The following KPNA5 variants were observed in gnomAD, a reference collection of about 807,000 sequenced individuals.
The protein encoded by KPNA5 is importin subunit alpha-6.
Under a neutral mutation model 71.3 loss-of-function variants are expected in KPNA5, and 46 were observed. That is an observed-to-expected ratio of 0.65 (90% CI 0.51 to 0.83). The LOEUF is 0.83. Ranked by LOEUF, KPNA5 falls within the 40% of genes least tolerant of loss-of-function variation. KPNA5 has a pLI of 0.00. For synonymous variants in KPNA5, 207 were observed against 201.4 expected, an observed-to-expected ratio of 1.03 and a Z score of -0.24; for missense variants, 547 against 628.3, an observed-to-expected ratio of 0.87 and a Z score of 1.38.
chr6:116,688,189 A>G (rs1166007735), intron 1 of KPNA5, among the ~76,000 whole-genome samples: 2 of 152,172 alleles, frequency 1.3e-5, no homozygotes, highest in African/African-American at 4.8e-5. Context: ...TAGTTGCCAT[A>G]TCTTCACTGC....
At chr6:116,699,255 A>G (rs1298562010) in intron 5 of KPNA5, among the ~76,000 whole-genome samples, 1 of 152,080 alleles carries the variant, frequency 6.6e-6, no homozygotes, top group Non-Finnish European at 1.5e-5. Flanking sequence ...GTTTGTCATA[A>G]AGAACATTGG....
chr6:116,706,275 A>G (rs557446234), intron 7 of KPNA5, among the ~76,000 whole-genome samples: 2 of 152,354 alleles, frequency 1.3e-5, no homozygotes, highest in African/African-American at 2.4e-5. Context: ...GAAGTAGTAA[A>G]CATTTCTTAG....
At chr6:116,688,031 T>A (rs1449819130) in intron 1 of KPNA5, among the ~76,000 whole-genome samples, 2 of 152,196 alleles carry the variant, frequency 1.3e-5, no homozygotes, top group African/African-American at 2.4e-5. Context: ...AGTCTCTTAC[T>A]GTTCTTGGTT....
intron 1 of KPNA5, among the ~76,000 whole-genome samples, chr6:116,687,838 G>C (rs947542732): frequency 6.6e-6 from 1 of 152,098 alleles, no homozygotes; most frequent in Non-Finnish European, 1.5e-5. Context: ...TTTAGTTCAC[G>C]CCTTCAGCAT....
chr6:116,731,799 A>G (rs1779492694), intron 13 of KPNA5, among the ~76,000 whole-genome samples: 1 of 151,808 alleles, frequency 6.6e-6, no homozygotes, highest in South Asian at 2.1e-4. Context: ...TTAATCTAAA[A>G]CTGCCATTTT....
Position 116,738,216 on chromosome 6 carries a change from T to C in KPNA5, c.*5893T>C, listed in dbSNP as rs985726319. ...TACAAACTACCATCAGAGAATACTA[T>C]AAACACCTCTACGCAAATATACTAG... On this transcript the variant is annotated 3_prime_UTR_variant, in exon 14 of 14. Transcript: ENST00000368564. 2 of 152,042 alleles carry C rather than the reference T, an allele frequency of 1.3e-5. No homozygotes were observed. The highest frequency in any genetic ancestry group is 3.2e-3 in the Middle Eastern group (1 of 316). 9.4% of individuals were successfully genotyped at this position (152,042 alleles called of 1,614,324 possible).
rs1036921752 is a variant in KPNA5, at chr6:116,738,270, C to T, written c.*5947C>T. On this transcript the variant is annotated 3_prime_UTR_variant, in exon 14 of 14. Transcript: ENST00000368564. ...ATCTAGAAGAAATGGATAAATTCCT[C>T]GACACATAAACCCTCCCAAGACTAA... is the stretch of plus-strand genomic sequence containing the variant. 6.6e-6 allele frequency: 1 copy of T among 152,024 alleles called. No homozygotes were observed. The highest frequency in any genetic ancestry group is 1.9e-4 in the East Asian group (1 of 5,194). 9.4% of individuals were successfully genotyped at this position (152,024 alleles called of 1,614,324 possible).
chr6:116,701,882 C>G (rs1043259954), intron 5 of KPNA5, 137 bp from the exon 6 acceptor site: 2 of 629,356 alleles, frequency 3.2e-6, no homozygotes, highest in African/African-American at 3.8e-5. Flanking sequence ...ATCCTTAAAT[C>G]TGACTTCACA....
intron 1 of KPNA5, among the ~76,000 whole-genome samples, chr6:116,687,730 A>G (rs1057446948): frequency 6.6e-6 from 1 of 152,152 alleles, no homozygotes; most frequent in Admixed American, 6.5e-5. Flanking sequence ...CTCACCAGAT[A>G]TCTGTTACAT....
chr6:116,691,933 A>T, intron 2 of KPNA5, 122 bp from the exon 3 acceptor site: 1 of 693,684 alleles, frequency 1.4e-6, no homozygotes, highest in Non-Finnish European at 2.5e-6. Context: ...TCAAATATTC[A>T]GAATTTTAAG....
rs908107804 is a variant in KPNA5, at chr6:116,741,192, G to A, written c.*8869G>A. On this transcript the variant is annotated 3_prime_UTR_variant, in exon 14 of 14. Transcript: ENST00000368564. ...ATTGATTCATGTCTTTTACATACTAGTCTGCTTAATTCATCAGTTTCTAAC... is the reference window on the plus strand; with the variant it reads ...ATTGATTCATGTCTTTTACATACTAATCTGCTTAATTCATCAGTTTCTAAC... 2.6e-5 allele frequency: 4 copies of A among 152,078 alleles called. No homozygotes were observed. Among genetic ancestry groups the A allele is most frequent in the African/African-American group, 9.7e-5 (4 of 41,424 alleles). 9.4% of individuals were successfully genotyped at this position (152,078 alleles called of 1,614,324 possible).
intron 7 of KPNA5, among the ~76,000 whole-genome samples, chr6:116,714,522 T>C (rs546988268): frequency 1.9e-3 from 291 of 152,264 alleles, no homozygotes; most frequent in African/African-American, 6.6e-3. Flanking sequence ...GTAGGTCTCT[T>C]CATGTTTTTT....
At chr6:116,695,803 T>G (rs1778004767) in intron 4 of KPNA5, among the ~76,000 whole-genome samples, 1 of 152,202 alleles carries the variant, frequency 6.6e-6, no homozygotes, top group Non-Finnish European at 1.5e-5. Flanking sequence ...TTTTAAATTG[T>G]TTTTTAAGTA....
chr6:116,729,392 A>T (rs1779403299), intron 12 of KPNA5, among the ~76,000 whole-genome samples, 171 bp from the exon 13 acceptor site: 1 of 152,022 alleles, frequency 6.6e-6, no homozygotes, highest in Non-Finnish European at 1.5e-5. Flanking sequence ...TAAGTTTCCT[A>T]TGTGAGAATT....
chr6:116,685,912 T>C (rs1777566473), intron 1 of KPNA5, among the ~76,000 whole-genome samples: 1 of 152,266 alleles, frequency 6.6e-6, no homozygotes, highest in East Asian at 1.9e-4. Context: ...TTTGACTTTT[T>C]TTCTTTTCCT....
At chr6:116,688,717 G>A (rs574388427) in intron 1 of KPNA5, among the ~76,000 whole-genome samples, 3 of 152,082 alleles carry the variant, frequency 2.0e-5, no homozygotes, top group South Asian at 4.1e-4. Context: ...ATGTATTTTA[G>A]TATTTCAAAA....
chr6:116,702,221 C>T (rs1268305144), intron 6 of KPNA5, 71 bp downstream of exon 6: 20 of 1,472,160 alleles, frequency 1.4e-5, no homozygotes, highest in Admixed American at 4.0e-5. Flanking sequence ...TTTGTAATTA[C>T]GATGTGTAAT....
At chr6:116,717,209 C>G (rs1778918841) in intron 8 of KPNA5, among the ~76,000 whole-genome samples, 1 of 152,062 alleles carries the variant, frequency 6.6e-6, no homozygotes, top group Admixed American at 6.6e-5. Context: ...GTTTTTGTAC[C>G]TTTAGTGCAA....
intron 7 of KPNA5, among the ~76,000 whole-genome samples, chr6:116,714,899 A>G (rs1291602464): frequency 6.6e-6 from 1 of 152,226 alleles, no homozygotes; most frequent in Non-Finnish European, 1.5e-5. Flanking sequence ...TTCCAGAACC[A>G]GGAACCCACA....
Sources: allele counts gnomAD v4.1 joint callset (sites outside exome capture counted in the v4.1 genomes callset), GRCh38; gene constraint gnomAD v4.1.1; transcripts MANE v1.5; gene names NCBI Gene and HGNC (gene_info 2026-07-23, HGNC 2026-07-21).